Variants in FOLR2 observed in about 807,000 individuals in gnomAD.
FOLR2 encodes the protein folate receptor 2 (fetal).
Under a neutral mutation model 20.4 loss-of-function variants are expected in FOLR2, and 14 were observed. The ratio of observed to expected loss-of-function variants is 0.68; its 90% CI spans 0.45 to 1.07. The LOEUF (loss-of-function observed/expected upper bound fraction) is 1.07. Among genes scored for constraint, FOLR2 ranks in the 50% least tolerant of loss-of-function variants. The pLI is 0.00. For missense variants in FOLR2, 269 were observed against 322.6 expected (o/e 0.83, Z 1.27); for synonymous variants, 114 against 114.3 (o/e 1.00, Z 0.02).
chr11:72,221,067 T>TCGGGGGGGGGGGGGGCCCCCCCCC lies in FOLR2; in HGVS notation c.339+10_339+11insGGGGGGGGGGGGGGCCCCCCCCCC. 9 of 1,569,974 alleles carry TCGGGGGGGGGGGGGGCCCCCCCCC rather than the reference T, an allele frequency of 5.7e-6. No individual in the cohort carries two copies. The highest frequency in any genetic ancestry group is 7.8e-6 in the Non-Finnish European group (9 of 1,154,784). On this transcript the variant is annotated intron_variant, in intron 3 of 4. Transcript: ENST00000298223. ...GGCCCTGGATCCAGCAGGTAGGGTG[T>TCGGGGGGGGGGGGGGCCCCCCCCC]CTCCCCCCCACCCACCCCAGCAGAC...
intron 1 of FOLR2, among the ~76,000 whole-genome samples, chr11:72,217,151 A>G (rs955605713): frequency 3.9e-5 from 6 of 152,046 alleles, no homozygotes; most frequent in African/African-American, 1.5e-4. Context: ...CAGCCTCCTG[A>G]GTAGCTGGGA....
In FOLR2 at chr11:72,221,302, T is replaced by A; in HGVS notation, c.466T>A (p.Trp156Arg). 1 of 1,613,858 alleles carries A rather than the reference T, an allele frequency of 6.2e-7. No individual in the cohort carries two copies. Among genetic ancestry groups the A allele is most frequent in the Non-Finnish European group, 8.5e-7 (1 of 1,179,842 alleles). The change falls in exon 4 of 5, where the codon TGG (tryptophan) becomes AGG (arginine). Residue 156 changes from tryptophan (W) to arginine (R), a missense_variant. Physicochemically the swap from Trp to Arg is moderately radical, Grantham distance 101. Coordinates refer to ENST00000298223, the MANE Select transcript of FOLR2 (RefSeq NM_000803.5). ...GAGCAACTGGCACAGAGGATGGGAC[T>A]GGACCTCAGGTGAGGGTGATTGAGT... ...CKSNWHRGWDWTSGVNKCPAG... is the reference protein window; with the variant it reads ...CKSNWHRGWDRTSGVNKCPAG...
chr11:72,218,533 C>T (rs1350020029), intron 1 of FOLR2, 28 bp from the exon 2 acceptor site: 2 of 1,589,340 alleles, frequency 1.3e-6, no homozygotes, highest in Non-Finnish European at 1.7e-6. Context: ...GAGCCCTTTC[C>T]CCTCAGGACT....
rs1361910223 is a variant in FOLR2, at chr11:72,216,932, T to C, written c.-25+7T>C. ...AGCAGCAACGGAGGTTCAGGCAAGA[T>C]GCCCGAAGGAGGGAAGGGTGACAAG... On this transcript the variant is annotated splice_region_variant and intron_variant, in intron 1 of 4. Coordinates refer to ENST00000298223, the MANE Select transcript of FOLR2 (RefSeq NM_000803.5). 2 of 1,599,512 alleles carry C rather than the reference T, an allele frequency of 1.3e-6. No individual in the cohort carries two copies. The highest frequency in any genetic ancestry group is 2.7e-5 in the African/African-American group (2 of 75,038).
chr11:72,221,493 G>T lies in FOLR2; in HGVS notation c.499G>T (p.Ala167Ser). ...AGGAGTTAACAAGTGCCCAGCTGGG[G>T]CTCTCTGCCGCACCTTTGAGTCCTA... ...TSGVNKCPAG[A>S]LCRTFESYFP... is the part of the protein sequence containing the mutation. The change falls in exon 5 of 5, where the codon GCT becomes TCT. Residue 167 changes from alanine (A) to serine (S), a missense_variant. By Grantham distance (99) the Ala-to-Ser change is moderately conservative. Transcript: ENST00000298223. 1 of 1,613,876 alleles carries T rather than the reference G, an allele frequency of 6.2e-7. No homozygotes were observed. The highest frequency in any genetic ancestry group is 8.5e-7 in the Non-Finnish European group (1 of 1,179,866).
chr11:72,218,521 T>G (rs1431876456), intron 1 of FOLR2, 40 bp from the exon 2 acceptor site: 4 of 1,554,398 alleles, frequency 2.6e-6, no homozygotes, highest in Non-Finnish European at 3.5e-6. Flanking sequence ...GCTCCCAGCT[T>G]GGAGCCCTTT....
rs975763137 is a variant in FOLR2, at chr11:72,221,697, C to T, written c.703C>T (p.Leu235Phe). The T allele has an allele frequency of 2.5e-6, 4 of 1,614,076 alleles. No homozygotes were observed. Among genetic ancestry groups the T allele is most frequent in the Middle Eastern group, 3.3e-4 (2 of 6,060 alleles). ...CATGCATGTGAATGCTGGTGAGATG[C>T]TTCATGGGACTGGGGGTCTCCTGCT... ...AAMHVNAGEM[L>F]HGTGGLLLSL... is the part of the protein sequence containing the mutation. Residue 235 changes from leucine (L) to phenylalanine (F), a missense_variant, in exon 5 of 5, where the codon CTT (leucine) becomes TTT (phenylalanine). Transcript: ENST00000298223.
Position 72,216,823 on chromosome 11 carries a change from C to A in FOLR2, c.-127C>A. On this transcript the variant is annotated 5_prime_UTR_variant, in exon 1 of 5. Coordinates refer to ENST00000298223, the MANE Select transcript of FOLR2 (RefSeq NM_000803.5). ...CGCGTTGTCTACCCTGTACCGAAGA[C>A]AGAGGCTGTGGGGACAGCCTAGGGG... 6.7e-7 allele frequency: 1 copy of A among 1,486,648 alleles called. No homozygotes were observed. Among genetic ancestry groups the A allele is most frequent in the Non-Finnish European group, 9.3e-7 (1 of 1,078,332 alleles). 92.1% of individuals were successfully genotyped at this position (1,486,648 alleles called of 1,614,324 possible). A position where few individuals can be genotyped will look rare whatever the true frequency, so the allele number is the denominator to read the frequency against.
Position 72,221,266 on chromosome 11 carries a change from C to T in FOLR2, c.430C>T (p.His144Tyr). 1 of 1,613,978 alleles carries T rather than the reference C, an allele frequency of 6.2e-7. No individual in the cohort carries two copies. The highest frequency in any genetic ancestry group is 8.5e-7 in the Non-Finnish European group (1 of 1,179,912). Reference protein sequence around the residue: ...QRWWEDCHTSHTCKSNWHRGW... With the variant: ...QRWWEDCHTSYTCKSNWHRGW... ...CTGGTGGGAGGATTGTCACACCTCC[C>T]ACACGTGCAAGAGCAACTGGCACAG... The change falls in exon 4 of 5, where the codon CAC becomes TAC. Residue 144 changes from histidine to tyrosine, a missense_variant. Physicochemically the swap from His to Tyr is moderately conservative, Grantham distance 83. Transcript: ENST00000298223.
chr11:72,220,986 C>T lies in FOLR2; in HGVS notation c.267C>T (p.Ala89=). The T allele has an allele frequency of 6.2e-7, 1 of 1,613,984 alleles. No individual in the cohort carries two copies. The highest frequency in any genetic ancestry group is 8.5e-7 in the Non-Finnish European group (1 of 1,179,898). ...NWDHCGKMEP[A]CKRHFIQDTC... is the part of the protein sequence containing the mutation. The stretch of plus-strand genomic sequence containing the variant: ...ACCACTGCGGCAAGATGGAGCCCGC[C>T]TGCAAGCGCCACTTCATCCAGGACA... The change falls in exon 3 of 5, where the codon GCC becomes GCT. Residue 89 remains alanine, a synonymous_variant. Transcript: ENST00000298223.
rs531093324 is a variant in FOLR2 at position 72,221,025 on chromosome 11, G to C, written c.306G>C (p.Glu102Asp). The C allele has an allele frequency of 6.2e-7, 1 of 1,613,764 alleles. No homozygotes were observed. The highest frequency in any genetic ancestry group is 1.7e-5 in the Admixed American group (1 of 60,026). Residue 102 changes from glutamate (E) to aspartate (D), a missense_variant, in exon 3 of 5, where the codon GAG becomes GAC. Transcript: ENST00000298223. ...RHFIQDTCLY[E>D]CSPNLGPWIQ... is the part of the protein sequence containing the mutation. ...TCATCCAGGACACCTGTCTCTATGA[G>C]TGCTCACCCAACCTGGGGCCCTGGA...
intron 2 of FOLR2, among the ~76,000 whole-genome samples, chr11:72,219,227 G>A (rs1948444038): frequency 1.3e-5 from 2 of 152,176 alleles, no homozygotes; most frequent in African/African-American, 4.8e-5. Context: ...GGAGTGCCAA[G>A]GGAGAAGAGG....
At position 72,221,428 on chromosome 11, in the gene FOLR2, C is replaced by T. The variant is rs531157026; in HGVS notation, c.476-42C>T. 15 of 1,601,358 alleles carry T rather than the reference C, an allele frequency of 9.4e-6. No individual in the cohort carries two copies. The African/African-American group carries it at 1.9e-4, about 20-fold the overall frequency. On this transcript the variant is annotated intron_variant, in intron 4 of 4. Coordinates refer to ENST00000298223, the MANE Select transcript of FOLR2 (RefSeq NM_000803.5). ...GGGTGGCCAGAAATGAGCTTTGGGC[C>T]CAGGGGCTGAAAGTCTGTGTCCACC...
chr11:72,217,748 T>C (rs1032851968), intron 1 of FOLR2, among the ~76,000 whole-genome samples: 1 of 152,186 alleles, frequency 6.6e-6, no homozygotes, highest in Non-Finnish European at 1.5e-5. Flanking sequence ...ATAAGTTCTT[T>C]AGTGGTGATT....
intron 2 of FOLR2, among the ~76,000 whole-genome samples, chr11:72,219,145 G>A (rs1176667099): frequency 6.6e-6 from 1 of 152,174 alleles, no homozygotes; most frequent in East Asian, 1.9e-4. Context: ...GAGTGGGTTA[G>A]GCTCCTCCTT....
chr11:72,217,106 C>A (rs965822350), intron 1 of FOLR2, among the ~76,000 whole-genome samples, 181 bp downstream of exon 1: 1 of 152,144 alleles, frequency 6.6e-6, no homozygotes, highest in Non-Finnish European at 1.5e-5. Context: ...CTCACTGCAA[C>A]CTCTGCCTCC....
chr11:72,221,067 T>TCGGGGGGGCGCCCCCCCCCC lies in FOLR2; in HGVS notation c.339+10_339+11insGGGGGGGCGCCCCCCCCCCC. 6.4e-7 allele frequency: 1 copy of TCGGGGGGGCGCCCCCCCCCC among 1,570,110 alleles called. No individual in the cohort carries two copies. Among genetic ancestry groups the TCGGGGGGGCGCCCCCCCCCC allele is most frequent in the Non-Finnish European group, 8.7e-7 (1 of 1,154,908 alleles). On this transcript the variant is annotated intron_variant, in intron 3 of 4. Transcript: ENST00000298223. ...GGCCCTGGATCCAGCAGGTAGGGTGTCTCCCCCCCACCCACCCCAGCAGAC... is the reference window on the plus strand; with the variant it reads ...GGCCCTGGATCCAGCAGGTAGGGTGTCGGGGGGGCGCCCCCCCCCCCTCCCCCCCACCCACCCCAGCAGAC...
At position 72,221,221 on chromosome 11, in the gene FOLR2, T is replaced by C; in HGVS notation, c.385T>C (p.Cys129Arg). 1.2e-6 allele frequency: 2 copies of C among 1,613,644 alleles called. No homozygotes were observed. The highest frequency in any genetic ancestry group is 1.7e-6 in the Non-Finnish European group (2 of 1,179,770). Residue 129 changes from cysteine to arginine, a missense_variant, in exon 4 of 5, where the codon TGC becomes CGC. By Grantham distance (180) the Cys-to-Arg change is radical (BLOSUM62 -3). Transcript: ENST00000298223. ...AGAACGCTTCCTGGATGTGCCCTTA[T>C]GCAAAGAGGACTGTCAGCGCTGGTG... Reference protein sequence around the residue: ...RKERFLDVPLCKEDCQRWWED... With the variant: ...RKERFLDVPLRKEDCQRWWED...
chr11:72,217,925 A>G (rs1002851522), intron 1 of FOLR2, among the ~76,000 whole-genome samples: 18 of 152,206 alleles, frequency 1.2e-4, no homozygotes, highest in Non-Finnish European at 2.6e-4. Flanking sequence ...GCCCAGAGAC[A>G]GCTGAGGAGG....
Sources: gnomAD v4.1 joint callset for allele counts (sites outside exome capture counted in the v4.1 genomes callset) on GRCh38, gnomAD v4.1.1 for gene constraint, MANE v1.5 for transcripts, NCBI Gene and HGNC (gene_info 2026-07-23, HGNC 2026-07-21) for gene names.